Variants in PCDHGB3 observed in about 807,000 individuals in gnomAD.
PCDHGB3 encodes protocadherin gamma-B3.
A neutral mutation model predicts 59.2 loss-of-function variants in PCDHGB3; 40 were observed. The ratio of observed to expected loss-of-function variants is 0.68; its 90% CI spans 0.52 to 0.88. The LOEUF is 0.88. PCDHGB3 is among the 40% of genes least tolerant of loss of function. The probability of loss-of-function intolerance (pLI) is 0.00; values close to 1 mark genes in which losing one functional copy is unlikely to be tolerated. For missense variants in PCDHGB3, 1,309 were observed against 1,187.9 expected (o/e 1.10, Z -1.50); for synonymous variants, 581 against 503.6 (o/e 1.15, Z -2.06).
At chr5:141,427,997 A>C (rs1471083920) in intron 1 of PCDHGB3, 2 of 1,600,232 alleles carry the variant, frequency 1.2e-6, no homozygotes, top group African/African-American at 2.7e-5. Flanking sequence ...ATGGCTCCGC[A>C]CTCTTCGATA....
chr5:141,373,545 G>A (rs1396644712), intron 1 of PCDHGB3, among the ~76,000 whole-genome samples: 1 of 152,122 alleles, frequency 6.6e-6, no homozygotes, highest in African/African-American at 2.4e-5. Context: ...TGTGGTTGTT[G>A]GTACCCTTAC....
chr5:141,402,108 A>T (rs2094226699), intron 1 of PCDHGB3, among the ~76,000 whole-genome samples: 1 of 152,218 alleles, frequency 6.6e-6, no homozygotes, highest in African/African-American at 2.4e-5. Context: ...CAATTACAAA[A>T]ATGTGAAAAT....
chr5:141,497,840 C>T (rs1326804289), intron 2 of PCDHGB3, among the ~76,000 whole-genome samples: 1 of 152,154 alleles, frequency 6.6e-6, no homozygotes, highest in Non-Finnish European at 1.5e-5. Context: ...CCGGCCACAA[C>T]AAACATTTTT....
At chr5:141,403,414 T>C (rs373392812) in intron 1 of PCDHGB3, 142 of 1,613,926 alleles carry the variant, frequency 8.8e-5, no homozygotes, top group Middle Eastern at 1.6e-4. Context: ...GTTATCCACT[T>C]CCAGAAGCTA....
chr5:141,419,522 C>A, intron 1 of PCDHGB3: 4 of 1,612,178 alleles, frequency 2.5e-6, no homozygotes, highest in Non-Finnish European at 3.4e-6. Context: ...GGTGGGCGAC[C>A]GTAACGACAA....
chr5:141,419,402 T>G (rs2096376244), intron 1 of PCDHGB3: 1 of 1,613,378 alleles, frequency 6.2e-7, no homozygotes, highest in African/African-American at 1.3e-5. Flanking sequence ...CGGGGTGGTG[T>G]TCGCGCAGCG....
Position 141,432,909 on chromosome 5 carries a change from G to A in PCDHGB3, c.2415+60100G>A, listed in dbSNP as rs773372764. On this transcript the variant is annotated intron_variant, in intron 1 of 3. Coordinates refer to ENST00000576222, the MANE Select transcript of PCDHGB3 (RefSeq NM_018924.5). The surrounding 1 kb of genome is among the most constrained non-coding windows in gnomAD (Gnocchi z 6.0). ...ATCTTGCTGCTGGCGCTCAGGCTGCGGCGCTGGCACAAGTCACGCCTGCTG... is the reference window on the plus strand; with the variant it reads ...ATCTTGCTGCTGGCGCTCAGGCTGCAGCGCTGGCACAAGTCACGCCTGCTG... 9 of 1,614,038 alleles carry A rather than the reference G, an allele frequency of 5.6e-6. No homozygotes were observed. The highest frequency in any genetic ancestry group is 4.5e-5 in the East Asian group (2 of 44,880).
At chr5:141,441,102 C>G (rs1057297804) in intron 1 of PCDHGB3, 1 of 152,148 alleles carries the variant, frequency 6.6e-6, no homozygotes, top group East Asian at 1.9e-4. Context: ...GAGAGGGACT[C>G]ATTGTCCAGT....
At chr5:141,422,209 C>G (rs1463323983) in intron 1 of PCDHGB3, 1 of 1,561,666 alleles carries the variant, frequency 6.4e-7, no homozygotes, top group East Asian at 2.2e-5. Context: ...TGGTGGAGGT[C>G]TCTTTACCAC....
intron 1 of PCDHGB3, among the ~76,000 whole-genome samples, chr5:141,453,850 CT>C (rs1465668273): frequency 1.3e-5 from 2 of 152,148 alleles, no homozygotes; most frequent in Non-Finnish European, 2.9e-5. Context: ...CCACAGAGCA[CT>C]TTGAAAATAA....
Position 141,431,112 on chromosome 5 carries a change from GAGTAGA to G in PCDHGB3, c.2415+58314_2415+58319del, listed in dbSNP as rs764068262. On this transcript the variant is annotated intron_variant, in intron 1 of 3. Transcript: ENST00000576222. The surrounding 1 kb of genome is among the most constrained non-coding windows in gnomAD (Gnocchi z 4.8). ...ATGGAGGATAAAGTGAAAATATATG[GAGTAGA>G]AGTAGAAGTAAGGGACATTAACGAC... The G allele has an allele frequency of 1.7e-5, 28 of 1,614,128 alleles. No individual in the cohort carries two copies. The highest frequency in any genetic ancestry group is 3.3e-5 in the South Asian group (3 of 91,092).
At chr5:141,433,935 T>G (rs2097665519) in intron 1 of PCDHGB3, among the ~76,000 whole-genome samples, 2 of 152,150 alleles carry the variant, frequency 1.3e-5, no homozygotes, top group African/African-American at 2.4e-5. Context: ...GATTTTATAA[T>G]TCCATTGTTT....
At chr5:141,478,513 G>A in intron 1 of PCDHGB3, 1 of 1,611,520 alleles carries the variant, frequency 6.2e-7, no homozygotes. Context: ...TCTATAGGCA[G>A]GTGTTGGGTG....
At position 141,477,039 on chromosome 5, in the gene PCDHGB3, G is replaced by C. The variant is rs1313580652; in HGVS notation, c.2416-17768G>C. Reference sequence around the variant, plus strand: ...GTAACCGGGATGCTGACAATCAAGGGTCGGCTGGACTTCGAGGACACCAAA... The same window carrying C: ...GTAACCGGGATGCTGACAATCAAGGCTCGGCTGGACTTCGAGGACACCAAA... On this transcript the variant is annotated intron_variant, in intron 1 of 3. Coordinates refer to ENST00000576222, the MANE Select transcript of PCDHGB3 (RefSeq NM_018924.5). This position sits in a 1 kb window ranked among gnomAD's most constrained non-coding sequence, Gnocchi z 4.9. 1 of 1,614,144 alleles carries C rather than the reference G, an allele frequency of 6.2e-7. No individual in the cohort carries two copies. The highest frequency in any genetic ancestry group is 8.5e-7 in the Non-Finnish European group (1 of 1,180,056).
At chr5:141,478,940 T>C in intron 1 of PCDHGB3, 2 of 584,636 alleles carry the variant, frequency 3.4e-6, no homozygotes, top group South Asian at 2.7e-5. Flanking sequence ...CTTCTAGGAA[T>C]ACAAAAACTA....
rs553462245 is a variant in PCDHGB3 at position 141,511,198 on chromosome 5, A to T, written c.*25A>T. Reference sequence around the variant, plus strand: ...ACATGGAGGCCAGGCCAAGAGCCACAGGGCGGCCTCTCCCCAACCAGCCCA... The same window carrying T: ...ACATGGAGGCCAGGCCAAGAGCCACTGGGCGGCCTCTCCCCAACCAGCCCA... On this transcript the variant is annotated 3_prime_UTR_variant, in exon 4 of 4. Transcript: ENST00000576222. The T allele has an allele frequency of 2.7e-5, 43 of 1,612,954 alleles. 1 individual carries two copies. The South Asian group carries it at 4.5e-4, about 17-fold the overall frequency.
intron 1 of PCDHGB3, among the ~76,000 whole-genome samples, chr5:141,462,086 A>C (rs993185274): frequency 6.6e-6 from 1 of 151,410 alleles, no homozygotes; most frequent in Non-Finnish European, 1.5e-5. Flanking sequence ...GCCTCCCAAA[A>C]TGCTGGGATT....
intron 1 of PCDHGB3, among the ~76,000 whole-genome samples, chr5:141,433,847 A>C (rs979302028): frequency 6.6e-6 from 1 of 151,976 alleles, no homozygotes; most frequent in South Asian, 2.1e-4. Context: ...CAAAAAAAAA[A>C]AAAAAAAACT....
intron 1 of PCDHGB3, among the ~76,000 whole-genome samples, chr5:141,401,895 TC>T (rs2094205697): frequency 6.6e-6 from 1 of 152,224 alleles, no homozygotes; most frequent in Non-Finnish European, 1.5e-5. Context: ...GTGTTCTTTT[TC>T]CCAAATTATT....
Sources: gnomAD v4.1 joint callset for allele counts (sites outside exome capture counted in the v4.1 genomes callset) on GRCh38, gnomAD v4.1.1 for gene constraint, Gnocchi (gnomAD v3.1) non-coding constraint, MANE v1.5 for transcripts, NCBI Gene and HGNC (gene_info 2026-07-23, HGNC 2026-07-21) for gene names.